Variants in SCUBE1 observed in about 807,000 individuals in gnomAD.
The protein encoded by SCUBE1 is signal peptide, CUB and EGF-like domain-containing protein 1.
SCUBE1 carries 59 observed loss-of-function variants against 124.4 expected under a neutral mutation model. That is an observed-to-expected ratio of 0.47 (90% CI 0.38 to 0.59). SCUBE1 has a LOEUF of 0.59. Among genes scored for constraint, SCUBE1 ranks in the 20% least tolerant of loss-of-function variants. SCUBE1 has a pLI of 0.00. For missense variants in SCUBE1, 1,150 were observed against 1,371.2 expected (o/e 0.84, Z 2.55); for synonymous variants, 545 against 550.9 (o/e 0.99, Z 0.15).
chr22:43,228,394 C>T (rs547502431), intron 9 of SCUBE1, among the ~76,000 whole-genome samples: 1 of 152,308 alleles, frequency 6.6e-6, no homozygotes, highest in East Asian at 1.9e-4. Context: ...CCCTGGATTC[C>T]ACTCTCCTTT....
intron 3 of SCUBE1, among the ~76,000 whole-genome samples, chr22:43,308,083 G>A (rs1926038954): frequency 6.6e-6 from 1 of 152,062 alleles, no homozygotes; most frequent in Non-Finnish European, 1.5e-5. Flanking sequence ...GAACCAGTCT[G>A]CCTCCCTACA....
At chr22:43,314,435 C>T (rs60736920) in intron 3 of SCUBE1, among the ~76,000 whole-genome samples, 2,122 of 152,222 alleles carry the variant, frequency 0.014, 58 homozygotes, top group African/African-American at 0.049. Context: ...CCTGGGCCCC[C>T]ACACTTTGGG....
At chr22:43,257,746 G>C (rs1923714528) in intron 6 of SCUBE1, among the ~76,000 whole-genome samples, 2 of 152,236 alleles carry the variant, frequency 1.3e-5, no homozygotes, top group African/African-American at 4.8e-5. Context: ...AAACCTCTTA[G>C]TTTTCCAGAC....
At chr22:43,329,450 AG>A (rs1926833223) in intron 2 of SCUBE1, among the ~76,000 whole-genome samples, 1 of 152,256 alleles carries the variant, frequency 6.6e-6, no homozygotes, top group African/African-American at 2.4e-5. Flanking sequence ...AAGGCCGGAG[AG>A]GCCCACAGAC....
chr22:43,209,116 A>T (rs1329764991), intron 19 of SCUBE1, among the ~76,000 whole-genome samples: 1 of 152,136 alleles, frequency 6.6e-6, no homozygotes, highest in African/African-American at 2.4e-5. Context: ...AGCCTTGCTG[A>T]CATCCGTCTA....
At chr22:43,213,953 C>T (rs138992) in intron 16 of SCUBE1, 137 bp downstream of exon 16, 12 of 934,718 alleles carry the variant, frequency 1.3e-5, no homozygotes, top group South Asian at 8.7e-5. Flanking sequence ...GTTTTGGAAA[C>T]GACAAGGAAC....
At chr22:43,243,590 C>T (rs1437657073) in intron 6 of SCUBE1, among the ~76,000 whole-genome samples, 1 of 152,228 alleles carries the variant, frequency 6.6e-6, no homozygotes, top group Admixed American at 6.5e-5. Flanking sequence ...TGCCTGCTTA[C>T]GCCGCCCCAG....
intron 3 of SCUBE1, among the ~76,000 whole-genome samples, chr22:43,308,764 T>C (rs1261637604): frequency 6.6e-6 from 1 of 152,208 alleles, no homozygotes; most frequent in African/African-American, 2.4e-5. Context: ...GGGCCCCTCC[T>C]ACTCCTCCTT....
rs376683245 is a variant in SCUBE1 at position 43,246,317 on chromosome 22, G to A, written c.728-7363C>T. On this transcript the variant is annotated intron_variant, in intron 6 of 21. Coordinates refer to ENST00000360835, the MANE Select transcript of SCUBE1 (RefSeq NM_173050.5). The stretch of plus-strand genomic sequence containing the variant: ...CCCACCCACAGGAGGCATCATGGCC[G>A]TGCCCCAGGAGGCTTGGAGGGTTGA... Among the ~76,000 whole-genome samples, 1,020 of 152,270 alleles carry A rather than the reference G, an allele frequency of 6.7e-3. 6 individuals carry two copies. The highest frequency in any genetic ancestry group is 0.023 in the African/African-American group (970 of 41,544).
chr22:43,307,141 T>C (rs796634857), intron 3 of SCUBE1, among the ~76,000 whole-genome samples: 10 of 152,300 alleles, frequency 6.6e-5, no homozygotes, highest in African/African-American at 2.4e-4. Context: ...ACTCGAGGAA[T>C]TCCCAAGGAA....
chr22:43,250,909 C>T (rs1417070426), intron 6 of SCUBE1, among the ~76,000 whole-genome samples: 1 of 152,240 alleles, frequency 6.6e-6, no homozygotes, highest in African/African-American at 2.4e-5. Flanking sequence ...CAGGCCTGTT[C>T]TGCTCCTAAC....
intron 2 of SCUBE1, among the ~76,000 whole-genome samples, chr22:43,333,575 C>T (rs554456470): frequency 1.4e-4 from 22 of 152,320 alleles, no homozygotes; most frequent in Non-Finnish European, 1.6e-4. Context: ...CGGTCAGCCT[C>T]ACATCGGGCT....
chr22:43,300,955 C>T (rs1473844141), intron 3 of SCUBE1, among the ~76,000 whole-genome samples: 1 of 152,180 alleles, frequency 6.6e-6, no homozygotes, highest in Non-Finnish European at 1.5e-5. Context: ...TCATGGGCCG[C>T]GTGCTGAACT....
intron 2 of SCUBE1, among the ~76,000 whole-genome samples, chr22:43,338,428 G>A (rs947622350): frequency 1.3e-5 from 2 of 152,172 alleles, no homozygotes; most frequent in East Asian, 1.9e-4. Context: ...TCTGGGGGTC[G>A]GGGGGCAAGC....
intron 3 of SCUBE1, among the ~76,000 whole-genome samples, chr22:43,300,084 C>T (rs556522626): frequency 6.6e-6 from 1 of 152,276 alleles, no homozygotes; most frequent in South Asian, 2.1e-4. Flanking sequence ...TGCTGCTGAA[C>T]ACTGTGTGTA....
chr22:43,317,253 C>T (rs1601886055), intron 3 of SCUBE1: 2 of 152,294 alleles, frequency 1.3e-5, no homozygotes, highest in Non-Finnish European at 2.9e-5. Context: ...AGTAGTAATG[C>T]CTGCGTTGAC....
chr22:43,238,791 G>A (rs1174170673), intron 7 of SCUBE1, 47 bp downstream of exon 7: 2 of 1,495,238 alleles, frequency 1.3e-6, no homozygotes, highest in Non-Finnish European at 9.3e-7. Context: ...GAGGCTCTTG[G>A]CCAGGCCAGT....
At chr22:43,232,207 C>A (rs1922583179) in intron 7 of SCUBE1, 1 of 280,480 alleles carries the variant, frequency 3.6e-6, no homozygotes, top group South Asian at 4.7e-5. Context: ...GCGACTCTCC[C>A]ATGTCCTCTC....
Position 43,258,712 on chromosome 22 carries a change from G to A in SCUBE1, c.611-377C>T, listed in dbSNP as rs1041852062. ...ATGGGGCAAATGTTTGCCAATGCCA[G>A]GACATACTTGTCAAGCTGTCGGGGG... On this transcript the variant is annotated intron_variant, in intron 5 of 21. Coordinates refer to ENST00000360835, the MANE Select transcript of SCUBE1 (RefSeq NM_173050.5). The surrounding 1 kb of genome is among the most constrained non-coding windows in gnomAD (Gnocchi z 5.0). 2.6e-5 allele frequency among the ~76,000 whole-genome samples: 4 copies of A among 152,198 alleles called. No individual in the cohort carries two copies. The highest frequency in any genetic ancestry group is 4.1e-4 in the South Asian group (2 of 4,832).
Sources: gnomAD v4.1 joint callset for allele counts (sites outside exome capture counted in the v4.1 genomes callset) on GRCh38, gnomAD v4.1.1 for gene constraint, Gnocchi (gnomAD v3.1) non-coding constraint, MANE v1.5 for transcripts, NCBI Gene and HGNC (gene_info 2026-07-23, HGNC 2026-07-21) for gene names.